The following HMG20A variants were observed in gnomAD, a reference collection of about 807,000 sequenced individuals.
HMG20A encodes the protein high mobility group 20A.
A neutral mutation model predicts 43.9 loss-of-function variants in HMG20A; 17 were observed. The ratio of observed to expected loss-of-function variants is 0.39; its 90% confidence interval spans 0.27 to 0.58. The LOEUF is 0.58. Ranked by LOEUF, HMG20A falls within the 20% of genes least tolerant of loss-of-function variation. HMG20A has a pLI of 0.59. For synonymous variants in HMG20A, 132 were observed against 147.5 expected (o/e 0.89, Z 0.76); for missense variants, 341 against 438.2 (o/e 0.78, Z 1.98).
chr15:77,437,752 CTAG>C (rs960711408), intron 1 of HMG20A, among the ~76,000 whole-genome samples: 34 of 151,654 alleles, frequency 2.2e-4, no homozygotes, highest in Admixed American at 2.1e-3. Flanking sequence ...TTGTATTTTT[CTAG>C]TAGAGATGGG....
intron 4 of HMG20A, among the ~76,000 whole-genome samples, chr15:77,468,572 T>TTC (rs34591065): frequency 0.24 from 33,397 of 141,818 alleles, 4,174 homozygotes; most frequent in Middle Eastern, 0.36. Context: ...TGCTCAGTCT[T>TTC]TCTCTCTCTC....
intron 1 of HMG20A, among the ~76,000 whole-genome samples, chr15:77,451,574 G>A (rs12914885): frequency 0.08 from 12,105 of 152,206 alleles, 592 homozygotes; most frequent in Non-Finnish European, 0.1. Context: ...TACAGTATTC[G>A]AGAGACACAG....
chr15:77,507,936 T>C, the HMG20A span, among the ~76,000 whole-genome samples: 3 of 151,052 alleles, frequency 2.0e-5, no homozygotes, highest in Non-Finnish European at 3.0e-5. Context: ...TGGGGAGGTC[T>C]TGTCTTTGGG....
At chr15:77,503,781 T>C in the HMG20A span, among the ~76,000 whole-genome samples, 1 of 152,160 alleles carries the variant, frequency 6.6e-6, no homozygotes, top group African/African-American at 2.4e-5. Context: ...TTAAAACAGA[T>C]TTTGATTCAG....
chr15:77,479,108 T>G, intron 8 of HMG20A, 71 bp from the exon 9 acceptor site: 2 of 1,440,830 alleles, frequency 1.4e-6, no homozygotes, highest in Non-Finnish European at 1.9e-6. Context: ...AATCACTGTT[T>G]CTTTGAAATT....
At chr15:77,448,532 G>A (rs916482687) in intron 1 of HMG20A, among the ~76,000 whole-genome samples, 1 of 152,052 alleles carries the variant, frequency 6.6e-6, no homozygotes, top group Non-Finnish European at 1.5e-5. Flanking sequence ...TCCTTGAACT[G>A]TTCCTAACCT....
At chr15:77,486,234 G>A (rs914971869), downstream of HMG20A, among the ~76,000 whole-genome samples, 4 of 149,406 alleles carry the variant, frequency 2.7e-5, no homozygotes, top group African/African-American at 9.8e-5. Context: ...TTTGATAGAA[G>A]AAAGGAGATG....
At chr15:77,504,474 C>G in the HMG20A span, among the ~76,000 whole-genome samples, 9 of 152,366 alleles carry the variant, frequency 5.9e-5, no homozygotes, top group South Asian at 2.1e-4. Context: ...TGTAAGGAAC[C>G]CTTTGCGCGG....
chr15:77,467,447 C>T, intron 4 of HMG20A, 140 bp downstream of exon 4: 2 of 681,242 alleles, frequency 2.9e-6, no homozygotes, highest in Non-Finnish European at 4.9e-6. Flanking sequence ...CAGGGTCCAT[C>T]ATAGCAATTT....
intron 1 of HMG20A, among the ~76,000 whole-genome samples, chr15:77,456,447 G>A (rs1003128008): frequency 6.6e-6 from 1 of 152,012 alleles, no homozygotes; most frequent in Non-Finnish European, 1.5e-5. Context: ...TTGGGAGGCC[G>A]AAGTGGGCGG....
Position 77,467,082 on chromosome 15 carries a change from T to C in HMG20A, c.238-13T>C. 1 of 1,603,034 alleles carries C rather than the reference T, an allele frequency of 6.2e-7. No individual in the cohort carries two copies. The highest frequency in any genetic ancestry group is 8.5e-7 in the Non-Finnish European group (1 of 1,173,132). Reference sequence around the variant, plus strand: ...GTTTGGTTTTTGGTTTTTTATTTTGTTTTGTTTTGTAGCAACGAAGTAAAC... The same window carrying C: ...GTTTGGTTTTTGGTTTTTTATTTTGCTTTGTTTTGTAGCAACGAAGTAAAC... On this transcript the variant is annotated splice_polypyrimidine_tract_variant and intron_variant, in intron 3 of 9. Coordinates refer to ENST00000336216, the MANE Select transcript of HMG20A (RefSeq NM_001304504.2).
intron 2 of HMG20A, among the ~76,000 whole-genome samples, chr15:77,463,304 C>T (rs2072722992): frequency 6.6e-6 from 1 of 152,030 alleles, no homozygotes; most frequent in Admixed American, 6.6e-5. Flanking sequence ...TTCATCATAC[C>T]CTCTACCATA....
intron 1 of HMG20A, among the ~76,000 whole-genome samples, chr15:77,454,022 T>A (rs1445008163): frequency 1.4e-5 from 2 of 145,636 alleles, no homozygotes; most frequent in Non-Finnish European, 3.0e-5. Flanking sequence ...AAAAAAAAAA[T>A]TAAAAATTAG....
intron 9 of HMG20A, among the ~76,000 whole-genome samples, chr15:77,480,987 T>C (rs2072901766): frequency 6.6e-6 from 1 of 152,208 alleles, no homozygotes; most frequent in Non-Finnish European, 1.5e-5. Flanking sequence ...AACAGCAGGA[T>C]ATGTTCCTTA....
At chr15:77,437,415 TGA>T (rs2073561156) in intron 1 of HMG20A, among the ~76,000 whole-genome samples, 1 of 152,208 alleles carries the variant, frequency 6.6e-6, no homozygotes, top group Non-Finnish European at 1.5e-5. Context: ...TGCTGTGCCC[TGA>T]GAGCATGAAG....
chr15:77,472,263 TTTTTG>T (rs944599992), intron 6 of HMG20A, among the ~76,000 whole-genome samples: 74 of 152,178 alleles, frequency 4.9e-4, no homozygotes, highest in African/African-American at 1.7e-3. Context: ...TCAGGTTTGT[TTTTTG>T]TTTTGTTTTG....
the HMG20A span, among the ~76,000 whole-genome samples, chr15:77,519,048 C>T: frequency 3.3e-5 from 5 of 152,274 alleles, no homozygotes; most frequent in African/African-American, 9.6e-5. Flanking sequence ...GAAACCAGCC[C>T]GGGTCACGCA....
chr15:77,503,612 A>G, the HMG20A span, among the ~76,000 whole-genome samples: 2 of 152,148 alleles, frequency 1.3e-5, no homozygotes, highest in African/African-American at 4.8e-5. Flanking sequence ...TGGCAGACCC[A>G]GAAAATGAGA....
At chr15:77,497,384 C>T in the HMG20A span, among the ~76,000 whole-genome samples, 1 of 152,366 alleles carries the variant, frequency 6.6e-6, no homozygotes, top group South Asian at 2.1e-4. Flanking sequence ...TAGCAGCCCT[C>T]GGGCCATACC....
Sources: allele counts gnomAD v4.1 joint callset (sites outside exome capture counted in the v4.1 genomes callset), GRCh38; gene constraint gnomAD v4.1.1; transcripts MANE v1.5; gene names NCBI Gene and HGNC (gene_info 2026-07-23, HGNC 2026-07-21).